The following CCL25 variants were observed in gnomAD, a reference collection of about 807,000 sequenced individuals.
CCL25 encodes C-C motif chemokine 25.
CCL25 carries 14 observed loss-of-function variants against 19.9 expected under a neutral mutation model. The observed-to-expected ratio is 0.70, with a 90% CI of 0.47 to 1.10. The LOEUF (loss-of-function observed/expected upper bound fraction) is 1.10. CCL25 is among the 50% of genes least tolerant of loss of function. CCL25 has a pLI of 0.00. For missense variants in CCL25, 151 were observed against 181.2 expected (o/e 0.83, Z 0.96); for synonymous variants, 68 against 73.2 (o/e 0.93, Z 0.36).
chr19:8,056,285 G>A lies in CCL25; in HGVS notation c.191+16G>A. On this transcript the variant is annotated intron_variant, in intron 3 of 5. Transcript: ENST00000315626. ...CTGCTGCGATGTGAGTGGGGCCGTG[G>A]GGGCTGGGGGGGTGGGGTGCACACA... 6.3e-7 allele frequency: 1 copy of A among 1,595,226 alleles called. No homozygotes were observed.
rs902186254 is a variant in CCL25 at position 8,059,781 on chromosome 19, G to C, written c.445+1861G>C. Among the ~76,000 whole-genome samples, 4 of 152,208 alleles carry C rather than the reference G, an allele frequency of 2.6e-5. No individual in the cohort carries two copies. The East Asian group carries it at 7.7e-4, about 29-fold the overall frequency. On this transcript the variant is annotated intron_variant, in intron 5 of 5. Transcript: ENST00000315626. ...TAATCCTAGCACTTTGAGAGGCTGAGGCAGAAGGATCAATTGAGCCCAGGA... is the reference window on the plus strand; with the variant it reads ...TAATCCTAGCACTTTGAGAGGCTGACGCAGAAGGATCAATTGAGCCCAGGA...
chr19:8,056,946 A>G (rs1390152683), intron 4 of CCL25, among the ~76,000 whole-genome samples: 1 of 152,160 alleles, frequency 6.6e-6, no homozygotes, highest in East Asian at 1.9e-4. Context: ...AGGCTCAAGC[A>G]ATCCTCCTAC....
Position 8,062,598 on chromosome 19 carries a change from C to T in CCL25, c.*373C>T, listed in dbSNP as rs891733133. The T allele has an allele frequency of 2.1e-5, 5 of 236,132 alleles. No homozygotes were observed. The highest frequency in any genetic ancestry group is 3.3e-5 in the Non-Finnish European group (4 of 123,012). 14.6% of individuals were successfully genotyped at this position (236,132 alleles called of 1,614,324 possible). On this transcript the variant is annotated 3_prime_UTR_variant, in exon 6 of 6. Transcript: ENST00000315626. ...CTGGTCAGTTCAAGGATGCCCCTCCCAGGCTATGCTTTTCTATAACTTTTA... is the reference window on the plus strand; with the variant it reads ...CTGGTCAGTTCAAGGATGCCCCTCCTAGGCTATGCTTTTCTATAACTTTTA...
chr19:8,058,197 C>T (rs544356785), intron 5 of CCL25, among the ~76,000 whole-genome samples: 199 of 150,692 alleles, frequency 1.3e-3, no homozygotes, highest in Non-Finnish European at 2.4e-3. Context: ...CCAGCAGGGA[C>T]CGGGTGGTTG....
intron 2 of CCL25, 63 bp downstream of exon 2, chr19:8,053,185 T>C: frequency 9.4e-7 from 1 of 1,063,110 alleles, no homozygotes; most frequent in East Asian, 2.7e-5. Flanking sequence ...CCCCACCCCT[T>C]TTGTCTCTTA....
intron 5 of CCL25, among the ~76,000 whole-genome samples, chr19:8,061,735 T>A (rs1289784258): frequency 6.6e-6 from 1 of 152,118 alleles, no homozygotes; most frequent in Non-Finnish European, 1.5e-5. Context: ...GGCTCACACC[T>A]GTAATCCCAG....
At position 8,055,187 on chromosome 19, in the gene CCL25, G is replaced by A. The variant is rs568842977; in HGVS notation, c.74-965G>A. Among the ~76,000 whole-genome samples the A allele has an allele frequency of 6.1e-4, 82 of 134,234 alleles. 1 individual carries two copies. Among genetic ancestry groups the A allele is most frequent in the African/African-American group, 2.1e-3 (77 of 36,688 alleles). 88.1% of individuals were successfully genotyped at this position (134,234 alleles called of 152,430 possible). A position where few individuals can be genotyped will look rare whatever the true frequency, so the allele number is the denominator to read the frequency against. Reference sequence around the variant, plus strand: ...GCCTGTAATCCCAGCTACTCGGGAGGCTGAGGCAGGAGAATCGCTTGAACC... The same window carrying A: ...GCCTGTAATCCCAGCTACTCGGGAGACTGAGGCAGGAGAATCGCTTGAACC... On this transcript the variant is annotated intron_variant, in intron 2 of 5. Coordinates refer to ENST00000315626, the MANE Select transcript of CCL25 (RefSeq NM_005624.4).
chr19:8,059,422 C>CA (rs912685168), intron 5 of CCL25, among the ~76,000 whole-genome samples: 3 of 151,276 alleles, frequency 2.0e-5, no homozygotes, highest in African/African-American at 7.3e-5. Context: ...TGGTCTCTAA[C>CA]TTCTGGCCTC....
chr19:8,061,967 T>C (rs911851752), intron 5 of CCL25, among the ~76,000 whole-genome samples: 1 of 151,420 alleles, frequency 6.6e-6, no homozygotes, highest in Non-Finnish European at 1.5e-5. Context: ...GGAGAATCGC[T>C]TGAGTCCTGG....
At chr19:8,055,118 GTC>G (rs2081259991) in intron 2 of CCL25, among the ~76,000 whole-genome samples, 1 of 149,842 alleles carries the variant, frequency 6.7e-6, no homozygotes, top group African/African-American at 2.4e-5. Context: ...GTGAAACCCC[GTC>G]TCTACTAAAA....
At chr19:8,057,100 A>G (rs2081277753) in intron 4 of CCL25, among the ~76,000 whole-genome samples, 2 of 151,980 alleles carry the variant, frequency 1.3e-5, no homozygotes, top group African/African-American at 4.8e-5. Flanking sequence ...GGCTCACTGC[A>G]ACCTCTGCCT....
intron 2 of CCL25, 119 bp downstream of exon 2, chr19:8,053,241 G>A (rs1341456145): frequency 5.9e-5 from 34 of 573,794 alleles, no homozygotes; most frequent in South Asian, 2.4e-4. Flanking sequence ...GAATTCTCCC[G>A]CTCCTGACAT....
At chr19:8,060,076 G>A (rs889724632) in intron 5 of CCL25, among the ~76,000 whole-genome samples, 5 of 151,676 alleles carry the variant, frequency 3.3e-5, no homozygotes, top group African/African-American at 9.7e-5. Flanking sequence ...GCAAAAGAGC[G>A]AGACTCTGTC....
chr19:8,053,547 ATTTTT>A (rs57912076), intron 2 of CCL25, among the ~76,000 whole-genome samples: 1 of 120,672 alleles, frequency 8.3e-6, no homozygotes, highest in South Asian at 2.6e-4. Context: ...CTCCTAAACC[ATTTTT>A]TTTTTTTTTT....
At position 8,057,785 on chromosome 19, in the gene CCL25, C is replaced by T. The variant is rs115141705; in HGVS notation, c.326-16C>T. 4.0e-4 allele frequency: 650 copies of T among 1,607,574 alleles called. 3 individuals carry two copies. In the African/African-American group the frequency reaches 7.6e-3, roughly 19 times the overall value. ...GATGGCAGAGCTCTTGCTTATTTCT[C>T]TCTCCATTTCTCCAGCAGGCCCTCA... On this transcript the variant is annotated splice_polypyrimidine_tract_variant and intron_variant, in intron 4 of 5. Transcript: ENST00000315626.
intron 3 of CCL25, 33 bp downstream of exon 3, chr19:8,056,302 G>GGGGGGGGGGGGGGGGGGGCCCCCCCC: frequency 1.7e-6 from 1 of 593,388 alleles, no homozygotes. Flanking sequence ...GGGGGGTGGG[G>GGGGGGGGGGGGGGGGGGGCCCCCCCC]TGCACACACA....
intron 5 of CCL25, among the ~76,000 whole-genome samples, chr19:8,061,338 C>T (rs1322407467): frequency 1.3e-5 from 2 of 151,578 alleles, no homozygotes; most frequent in East Asian, 2.0e-4. Context: ...GTAGAGACGG[C>T]GTTTCACTAT....
At chr19:8,062,118 T>G in intron 5 of CCL25, 100 bp from the exon 6 acceptor site, 1 of 1,138,758 alleles carries the variant, frequency 8.8e-7, no homozygotes, top group Non-Finnish European at 1.3e-6. Flanking sequence ...TTCACAAGGG[T>G]TTTAGGAGCT....
chr19:8,057,524 G>A (rs1234967675), intron 4 of CCL25, among the ~76,000 whole-genome samples: 2 of 152,004 alleles, frequency 1.3e-5, no homozygotes, highest in African/African-American at 4.8e-5. Context: ...GCAGAGACAG[G>A]TTGTGCCATG....
Sources: allele counts gnomAD v4.1 joint callset (sites outside exome capture counted in the v4.1 genomes callset), GRCh38; gene constraint gnomAD v4.1.1; transcripts MANE v1.5; gene names NCBI Gene and HGNC (gene_info 2026-07-23, HGNC 2026-07-21).